NPAS4: variants seen among roughly 807,000 people sequenced by gnomAD.
NPAS4 encodes the protein neuronal PAS domain-containing protein 4.
In NPAS4, 10 loss-of-function variants were observed where a neutral mutation model predicts 64.0. That is an observed-to-expected ratio of 0.16 (90% confidence interval 0.10 to 0.26). The LOEUF (loss-of-function observed/expected upper bound fraction) is 0.26. Among genes scored for constraint, NPAS4 ranks in the 10% least tolerant of loss-of-function variants. The probability of loss-of-function intolerance (pLI) is 1.00; values close to 1 mark genes in which losing one functional copy is unlikely to be tolerated. For synonymous variants in NPAS4, 441 were observed against 411.7 expected (o/e 1.07, Z -0.86); for missense variants, 886 against 992.6 (o/e 0.89, Z 1.44).
At position 66,422,570 on chromosome 11, in the gene NPAS4, C is replaced by T. The variant is rs762722098; in HGVS notation, c.430+17C>T. The T allele has an allele frequency of 1.9e-6, 3 of 1,608,922 alleles. No individual in the cohort carries two copies. The highest frequency in any genetic ancestry group is 2.6e-6 in the Non-Finnish European group (3 of 1,175,278). On this transcript the variant is annotated intron_variant, in intron 3 of 7. Coordinates refer to ENST00000311034, the MANE Select transcript of NPAS4 (RefSeq NM_178864.4). ...TGGACACTGGTAAGGACTCCCTTCT[C>T]CCTTCCTCGGTCCAATTTCCCACCT...
In NPAS4 at chr11:66,423,183, G is replaced by A. The variant is rs1286343553; in HGVS notation, c.759G>A (p.Leu253=). 5 of 1,611,394 alleles carry A rather than the reference G, an allele frequency of 3.1e-6. No individual in the cohort carries two copies. Among genetic ancestry groups the A allele is most frequent in the East Asian group, 2.2e-5 (1 of 44,892 alleles). Residue 253 remains leucine (L), a synonymous_variant, in exon 5 of 8, where the codon CTG becomes CTA. Coordinates refer to ENST00000311034, the MANE Select transcript of NPAS4 (RefSeq NM_178864.4). ...TGCTTTGTAAATCATGGTATGGACT[G>A]CTGCACCCCGAGGACCTGGCCCACG... ...SELLCKSWYG[L]LHPEDLAHAS... is the part of the protein sequence containing the mutation.
At chr11:66,416,438 A>G (rs1270419181), upstream of NPAS4, among the ~76,000 whole-genome samples, 1 of 152,202 alleles carries the variant, frequency 6.6e-6, no homozygotes, top group Non-Finnish European at 1.5e-5. Flanking sequence ...TTCACTTGAG[A>G]GAGTGATATG....
At position 66,421,315 on chromosome 11, in the gene NPAS4, G is replaced by T; in HGVS notation, c.136G>T (p.Ala46Ser). The change falls in exon 1 of 8, where the codon GCC becomes TCC. Residue 46 changes from alanine to serine, a missense_variant. Ala to Ser is a moderately conservative substitution (Grantham distance 99). Transcript: ENST00000311034. ...GTCCTACCTGCACATCATGAGCCTCGCCTGCATCTACACTCGCAAGGGCGT... is the reference window on the plus strand; with the variant it reads ...GTCCTACCTGCACATCATGAGCCTCTCCTGCATCTACACTCGCAAGGGCGT... ...RLSYLHIMSL[A>S]CIYTRKGVFF... 6.2e-7 allele frequency: 1 copy of T among 1,614,034 alleles called. No homozygotes were observed. The highest frequency in any genetic ancestry group is 8.5e-7 in the Non-Finnish European group (1 of 1,179,956).
In NPAS4 at chr11:66,426,146, GA is replaced by G; in HGVS notation, c.*158del. On this transcript the variant is annotated 3_prime_UTR_variant, in exon 8 of 8. Transcript: ENST00000311034. ...CAGGATTTTGGGGGGGGGGAGGTGGGAGGGCAAGGGAGGGGAGCTTCTTTTT... is the reference window on the plus strand; with the variant it reads ...CAGGATTTTGGGGGGGGGGAGGTGGGGGGCAAGGGAGGGGAGCTTCTTTTT... 2 of 359,464 alleles carry G rather than the reference GA, an allele frequency of 5.6e-6. No individual in the cohort carries two copies. The highest frequency in any genetic ancestry group is 1.1e-5 in the Non-Finnish European group (2 of 178,710). The allele number at this position is 359,464 out of a possible 1,614,324, so 22.3% of individuals were successfully genotyped here.
At position 66,423,637 on chromosome 11, in the gene NPAS4, G is replaced by A. The variant is rs755613636; in HGVS notation, c.868G>A (p.Gly290Ser). The A allele has an allele frequency of 1.9e-6, 3 of 1,614,158 alleles. No homozygotes were observed. The highest frequency in any genetic ancestry group is 2.5e-6 in the Non-Finnish European group (3 of 1,180,010). The change falls in exon 6 of 8, where the codon GGC (glycine) becomes AGC (serine). Residue 290 changes from glycine to serine, a missense_variant. Transcript: ENST00000311034. ...MVVRLQAKTGGWAWIYCLLYS... is the reference protein window; with the variant it reads ...MVVRLQAKTGSWAWIYCLLYS... ...GGTGAGGCTACAGGCCAAGACTGGA[G>A]GCTGGGCATGGATTTACTGCCTGTT...
rs781152830 is a variant in NPAS4, at chr11:66,424,190, T to A, written c.1300T>A (p.Cys434Ser). 6 of 1,613,886 alleles carry A rather than the reference T, an allele frequency of 3.7e-6. No homozygotes were observed. The Admixed American group carries it at 1.0e-4, about 27-fold the overall frequency. ...PPYTPHQPGGCAFLFSLHEPF... is the reference protein window; with the variant it reads ...PPYTPHQPGGSAFLFSLHEPF... ...TTACACGCCCCATCAGCCAGGAGGCTGTGCCTTCCTCTTCAGCCTCCATGA... is the reference window on the plus strand; with the variant it reads ...TTACACGCCCCATCAGCCAGGAGGCAGTGCCTTCCTCTTCAGCCTCCATGA... The change falls in exon 7 of 8, where the codon TGT becomes AGT. Residue 434 changes from cysteine (C) to serine (S), a missense_variant. Cys to Ser is a moderately radical substitution (Grantham distance 112). Coordinates refer to ENST00000311034, the MANE Select transcript of NPAS4 (RefSeq NM_178864.4).
At chr11:66,425,841 C>G in intron 7 of NPAS4, 120 bp from the exon 8 acceptor site, 1 of 760,014 alleles carries the variant, frequency 1.3e-6, no homozygotes, top group Non-Finnish European at 2.3e-6. Context: ...CTCTGGCCAT[C>G]ATTTCATCAT....
the NPAS4 span, chr11:66,409,309 A>G: frequency 7.1e-6 from 1 of 140,744 alleles, no homozygotes; most frequent in Non-Finnish European, 1.5e-5. Flanking sequence ...AGACATTTCA[A>G]CCAGGGAGAA....
At chr11:66,422,003 C>T (rs578211389) in intron 1 of NPAS4, 117 bp from the exon 2 acceptor site, 28 of 896,026 alleles carry the variant, frequency 3.1e-5, no homozygotes, top group Admixed American at 1.7e-4. Context: ...CAGGTGTTTG[C>T]AGAGGCAGGT....
In NPAS4 at chr11:66,426,205, C is replaced by T; in HGVS notation, c.*216C>T. On this transcript the variant is annotated 3_prime_UTR_variant, in exon 8 of 8. Coordinates refer to ENST00000311034, the MANE Select transcript of NPAS4 (RefSeq NM_178864.4). ...AGAGACTTCGAGCGATCCCAGTTTC[C>T]ATTTCAATCTGTATTCACTCGTAGT... 1.8e-6 allele frequency: 1 copy of T among 553,592 alleles called. No homozygotes were observed. The highest frequency in any genetic ancestry group is 3.3e-6 in the Non-Finnish European group (1 of 307,608). 34.3% of individuals were successfully genotyped at this position (553,592 alleles called of 1,614,324 possible).
chr11:66,409,244 C>T, the NPAS4 span: 9 of 122,456 alleles, frequency 7.3e-5, no homozygotes, highest in Admixed American at 5.5e-4. Context: ...GCCGGGGAGT[C>T]CCCGGCGCCA....
Position 66,421,187 on chromosome 11 carries a change from G to C in NPAS4, c.8G>C (p.Arg3Pro), listed in dbSNP as rs1228129702. 6.2e-7 allele frequency: 1 copy of C among 1,607,660 alleles called. No individual in the cohort carries two copies. Among genetic ancestry groups the C allele is most frequent in the Non-Finnish European group, 8.5e-7 (1 of 1,177,386 alleles). MY[R>P]STKGASKARR... ...GCTCCGCAGCCGCCGGTCATGTACC[G>C]CTCCACCAAGGGCGCCTCCAAGGCG... Residue 3 changes from arginine (R) to proline (P), a missense_variant, in exon 1 of 8, where the codon CGC becomes CCC. Transcript: ENST00000311034.
intron 5 of NPAS4, 93 bp from the exon 6 acceptor site, chr11:66,423,485 G>A (rs563288989): frequency 6.1e-6 from 9 of 1,464,000 alleles, no homozygotes; most frequent in South Asian, 2.4e-5. Flanking sequence ...AGGATGTCAC[G>A]GCTATCTCAA....
chr11:66,424,013 T>C lies in NPAS4; in HGVS notation c.1123T>C (p.Phe375Leu). The change falls in exon 7 of 8, where the codon TTC becomes CTC. Residue 375 changes from phenylalanine to leucine, a missense_variant. Phe to Leu is a conservative substitution (Grantham distance 22, BLOSUM62 0). Around this residue, in one of 3 missense-constraint regions of NPAS4, gnomAD observed 820 missense variants for 855.5 expected, o/e 0.96. Transcript: ENST00000311034. Reference protein sequence around the residue: ...AALGAPRSTSFPSAPELSVVS... With the variant: ...AALGAPRSTSLPSAPELSVVS... The stretch of plus-strand genomic sequence containing the variant: ...ACTGGGGGCTCCCAGAAGCACCAGC[T>C]TCCCCAGTGCTCCTGAACTGAGTGT... 4.3e-6 allele frequency: 7 copies of C among 1,614,096 alleles called. No homozygotes were observed. The highest frequency in any genetic ancestry group is 5.9e-6 in the Non-Finnish European group (7 of 1,180,006).
chr11:66,420,085 C>G (rs962430982), upstream of NPAS4, among the ~76,000 whole-genome samples: 11 of 152,212 alleles, frequency 7.2e-5, no homozygotes, highest in Non-Finnish European at 1.5e-4. Context: ...GCCCCCGGCC[C>G]GCGGGGAGAC....
At chr11:66,419,773 C>CGAAGGTGGAAAGTGGAGAGCT (rs1856710922), upstream of NPAS4, among the ~76,000 whole-genome samples, 1 of 152,104 alleles carries the variant, frequency 6.6e-6, no homozygotes, top group African/African-American at 2.4e-5. Flanking sequence ...GAAAAAGAAA[C>CGAAGGTGGAAAGTGGAGAGCT]GAAGGTGGAA....
the NPAS4 span, chr11:66,409,989 G>C: frequency 6.6e-6 from 1 of 152,134 alleles, no homozygotes; most frequent in African/African-American, 2.4e-5. Flanking sequence ...ACCAGCTCTG[G>C]AACTTTCTGG....
At chr11:66,425,299 A>T (rs1856822515) in intron 7 of NPAS4, 29 bp downstream of exon 7, 5 of 1,337,608 alleles carry the variant, frequency 3.7e-6, no homozygotes, top group Non-Finnish European at 5.1e-6. Flanking sequence ...CCAAGAACTC[A>T]AGTCCCTGTC....
rs751825597 is a variant in NPAS4, at chr11:66,422,963, T to C, written c.698+22T>C. On this transcript the variant is annotated intron_variant, in intron 4 of 7. Transcript: ENST00000311034. ...AGAGGTAAGCCTGGAGTGTTCAGATTCCAAGAGAAAGGCAGGCCAGAGATG... is the reference window on the plus strand; with the variant it reads ...AGAGGTAAGCCTGGAGTGTTCAGATCCCAAGAGAAAGGCAGGCCAGAGATG... 6.3e-6 allele frequency: 10 copies of C among 1,598,306 alleles called. 1 individual carries two copies. In the South Asian group the frequency reaches 8.8e-5, roughly 14 times the overall value.
Sources: allele counts gnomAD v4.1 joint callset (sites outside exome capture counted in the v4.1 genomes callset), GRCh38; gene constraint gnomAD v4.1.1; regional missense constraint gnomAD v4.1.1; transcripts MANE v1.5; gene names NCBI Gene and HGNC (gene_info 2026-07-23, HGNC 2026-07-21).